SUGP2: variants seen among roughly 807,000 people sequenced by gnomAD.
SUGP2 encodes SURP and G-patch domain-containing protein 2.
Under a neutral mutation model 90.5 loss-of-function variants are expected in SUGP2, and 24 were observed. The ratio of observed to expected loss-of-function variants is 0.27; its 90% CI spans 0.19 to 0.37. The LOEUF (loss-of-function observed/expected upper bound fraction) is 0.37, where lower values mean the gene tolerates loss of function less well. SUGP2 is among the 10% of genes least tolerant of loss of function. The pLI is 1.00. For missense variants in SUGP2, 1,233 were observed against 1,363.3 expected (o/e 0.90, Z 1.51); for synonymous variants, 473 against 513.4 (o/e 0.92, Z 1.06).
intron 2 of SUGP2, among the ~76,000 whole-genome samples, chr19:19,030,019 A>G (rs545397866): frequency 1.3e-5 from 2 of 152,234 alleles, no homozygotes; most frequent in East Asian, 3.9e-4. Flanking sequence ...AATGGATCCA[A>G]GAACCTGTCT....
At position 18,999,960 on chromosome 19, in the gene SUGP2, C is replaced by T. The variant is rs544740429; in HGVS notation, c.2991+1653G>A. On this transcript the variant is annotated intron_variant, in intron 8 of 10. Coordinates refer to ENST00000452918, the MANE Select transcript of SUGP2 (RefSeq NM_001017392.5). ...GCACACCCAGCCCACAAGCAGGTGTCACCCACTCCATCTTCTCCCCTTCTC... is the reference window on the plus strand; with the variant it reads ...GCACACCCAGCCCACAAGCAGGTGTTACCCACTCCATCTTCTCCCCTTCTC... Among the ~76,000 whole-genome samples, 84 of 152,330 alleles carry T rather than the reference C, an allele frequency of 5.5e-4. No homozygotes were observed. The South Asian group carries it at 6.8e-3, about 12-fold the overall frequency.
rs932735663 is a variant in SUGP2 at position 19,004,411 on chromosome 19, C to T, written c.2686G>A (p.Asp896Asn). ...ESPEVMPEEE[D>N]EDDEDGGEEA... The stretch of plus-strand genomic sequence containing the variant: ...TCTCCCCCATCCTCATCGTCCTCGT[C>T]CTCCTCCTCAGGCATCACCTCTGGG... Residue 896 changes from aspartate to asparagine, a missense_variant, in exon 7 of 11, where the codon GAC (aspartate) becomes AAC (asparagine). Physicochemically the swap from Asp to Asn is conservative, Grantham distance 23 (BLOSUM62 1). Transcript: ENST00000452918. 9 of 1,614,060 alleles carry T rather than the reference C, an allele frequency of 5.6e-6. No homozygotes were observed. The highest frequency in any genetic ancestry group is 1.1e-5 in the South Asian group (1 of 91,088).
chr19:18,994,637 A>G, intron 9 of SUGP2, 151 bp from the exon 10 acceptor site: 1 of 1,109,708 alleles, frequency 9.0e-7, no homozygotes, highest in Non-Finnish European at 1.3e-6. Flanking sequence ...CGCGACTCAC[A>G]GTAGAAACAA....
intron 6 of SUGP2, among the ~76,000 whole-genome samples, chr19:19,007,861 G>A (rs2058147548): frequency 6.7e-6 from 1 of 149,386 alleles, no homozygotes; most frequent in Non-Finnish European, 1.5e-5. Flanking sequence ...CCGGGTTTAA[G>A]CGATTCTCAT....
intron 8 of SUGP2, among the ~76,000 whole-genome samples, chr19:18,997,465 T>C (rs1478740019): frequency 6.6e-6 from 1 of 152,042 alleles, no homozygotes; most frequent in East Asian, 1.9e-4. Context: ...GAACTCAACA[T>C]GCAGCAAGAT....
rs542262228 is a variant in SUGP2, at chr19:19,000,829, C to A, written c.2991+784G>T. ...CAAATGATCCTTCCACCTCAGCCTCCAGAGTAGCTGGGACTACAGGCATGC... is the reference window on the plus strand; with the variant it reads ...CAAATGATCCTTCCACCTCAGCCTCAAGAGTAGCTGGGACTACAGGCATGC... On this transcript the variant is annotated intron_variant, in intron 8 of 10. Transcript: ENST00000452918. Among the ~76,000 whole-genome samples, 8 of 152,014 alleles carry A rather than the reference C, an allele frequency of 5.3e-5. No individual in the cohort carries two copies. In the South Asian group the frequency reaches 1.7e-3, roughly 32 times the overall value.
chr19:19,027,823 A>G (rs1300895692), intron 2 of SUGP2, among the ~76,000 whole-genome samples: 1 of 152,140 alleles, frequency 6.6e-6, no homozygotes, highest in African/African-American at 2.4e-5. Context: ...TTTTTAGTAG[A>G]GACAGGGTTT....
chr19:19,004,559 A>G lies in SUGP2; in HGVS notation c.2538T>C (p.Ser846=). The G allele has an allele frequency of 3.1e-6, 5 of 1,614,258 alleles. No homozygotes were observed. Among genetic ancestry groups the G allele is most frequent in the Non-Finnish European group, 4.2e-6 (5 of 1,180,044 alleles). The part of the protein sequence containing the change: ...ELCPSICFTS[S]PHNLHTGGGD... The stretch of plus-strand genomic sequence containing the variant: ...CACCACCAGTGTGAAGGTTGTGCGG[A>G]GATGACGTGAAACAAATTGATGGAC... Residue 846 remains serine, a synonymous_variant, in exon 7 of 11, where the codon TCT becomes TCC. Transcript: ENST00000452918.
intron 9 of SUGP2, chr19:18,994,839 T>C (rs113010383): frequency 3.7e-6 from 2 of 540,084 alleles, no homozygotes; most frequent in South Asian, 2.2e-5. Context: ...TTCCCGGGAA[T>C]GGGAAAGCAG....
intron 4 of SUGP2, among the ~76,000 whole-genome samples, chr19:19,014,084 C>A (rs1445208939): frequency 1.3e-5 from 2 of 152,190 alleles, no homozygotes; most frequent in Admixed American, 1.3e-4. Flanking sequence ...ACCTCTGCCT[C>A]CTGGGTTCAA....
intron 7 of SUGP2, 130 bp from the exon 8 acceptor site, chr19:19,001,804 G>C: frequency 1.2e-6 from 1 of 859,716 alleles, no homozygotes; most frequent in Non-Finnish European, 1.9e-6. Context: ...GCTCTGCATG[G>C]CAGCTGCTGA....
chr19:19,028,725 G>C (rs183961399), intron 2 of SUGP2, among the ~76,000 whole-genome samples: 2 of 152,148 alleles, frequency 1.3e-5, no homozygotes, highest in East Asian at 1.9e-4. Context: ...TTGAGACGGA[G>C]TCTCGTTCTG....
intron 2 of SUGP2, among the ~76,000 whole-genome samples, chr19:19,028,792 G>A (rs1251912649): frequency 1.3e-5 from 2 of 152,058 alleles, no homozygotes; most frequent in African/African-American, 4.8e-5. Context: ...TCCACCTCCT[G>A]GGTTCAAGCT....
intron 4 of SUGP2, among the ~76,000 whole-genome samples, chr19:19,018,263 C>T (rs756591296): frequency 9.2e-5 from 14 of 151,908 alleles, no homozygotes; most frequent in Non-Finnish European, 1.6e-4. Flanking sequence ...ACTCAGGAGA[C>T]GGAGGTTGCA....
In SUGP2 at chr19:19,025,505, G is replaced by A; in HGVS notation, c.843C>T (p.Thr281=). ...IQKNTPSPDV[T]LGTNPGTEDI... ...CTTCTGTCCCTGGGTTTGTCCCCAG[G>A]GTCACATCAGGACTTGGAGTGTTTT... The change falls in exon 3 of 11, where the codon ACC becomes ACT. Residue 281 remains threonine, a synonymous_variant. Transcript: ENST00000452918. 6.2e-7 allele frequency: 1 copy of A among 1,614,026 alleles called. No individual in the cohort carries two copies.
At chr19:18,995,056 A>G (rs989227788) in intron 9 of SUGP2, 88 bp downstream of exon 9, 1 of 1,515,572 alleles carries the variant, frequency 6.6e-7, no homozygotes, top group Admixed American at 1.9e-5. Flanking sequence ...GCTGTAAGCC[A>G]TCTTGGCTGT....
At chr19:19,015,687 TAG>T (rs1221131060) in intron 4 of SUGP2, among the ~76,000 whole-genome samples, 5 of 152,166 alleles carry the variant, frequency 3.3e-5, no homozygotes, top group African/African-American at 1.2e-4. Flanking sequence ...GTATTTTTAT[TAG>T]AGACACGGTT....
In SUGP2 at chr19:19,030,932, C is replaced by T; in HGVS notation, c.121+19G>A. 6.2e-7 allele frequency: 1 copy of T among 1,603,942 alleles called. No homozygotes were observed. Among genetic ancestry groups the T allele is most frequent in the Non-Finnish European group, 8.5e-7 (1 of 1,176,176 alleles). ...ACCCCTACCAAAACAACAACTACAA[C>T]AACAACACTTTATTTTACCTTGAGC... is the stretch of plus-strand genomic sequence containing the variant. On this transcript the variant is annotated intron_variant, in intron 2 of 10. Transcript: ENST00000452918.
intron 1 of SUGP2, among the ~76,000 whole-genome samples, chr19:19,031,861 G>T (rs541539655): frequency 3.9e-5 from 5 of 126,748 alleles, no homozygotes; most frequent in Non-Finnish European, 6.4e-5. Context: ...ACAGGGTTTT[G>T]CTAGGTTGGC....
Sources: allele counts gnomAD v4.1 joint callset (sites outside exome capture counted in the v4.1 genomes callset), GRCh38; gene constraint gnomAD v4.1.1; transcripts MANE v1.5; gene names NCBI Gene and HGNC (gene_info 2026-07-23, HGNC 2026-07-21).